The following RBMS3 variants were observed in gnomAD, a reference collection of about 807,000 sequenced individuals.
RBMS3 encodes RNA-binding motif, single-stranded-interacting protein 3.
A neutral mutation model predicts 66.8 loss-of-function variants in RBMS3; 27 were observed. That is an observed-to-expected ratio of 0.40 (90% CI 0.30 to 0.56). The LOEUF is 0.56. Among genes scored for constraint, RBMS3 ranks in the 20% least tolerant of loss-of-function variants. RBMS3 has a pLI of 0.40. For missense variants in RBMS3, 513 were observed against 549.5 expected (o/e 0.93, Z 0.66); for synonymous variants, 188 against 183.0 (o/e 1.03, Z -0.22).
At chr3:29,542,423 C>A (rs2045799317) in intron 3 of RBMS3, among the ~76,000 whole-genome samples, 1 of 152,116 alleles carries the variant, frequency 6.6e-6, no homozygotes, top group Admixed American at 6.5e-5. Context: ...TACAATGGTG[C>A]AATCTCGGCT....
At chr3:29,843,932 A>G (rs570741140) in intron 6 of RBMS3, among the ~76,000 whole-genome samples, 2 of 151,896 alleles carry the variant, frequency 1.3e-5, no homozygotes, top group South Asian at 4.1e-4. Flanking sequence ...AGCCTGGGAG[A>G]CAGAATGAGA....
intron 1 of RBMS3, among the ~76,000 whole-genome samples, chr3:29,411,190 T>C (rs1438929911): frequency 6.6e-6 from 1 of 152,144 alleles, no homozygotes; most frequent in Non-Finnish European, 1.5e-5. Context: ...TTTGTTAATC[T>C]GGCCTAGCAG....
intron 2 of RBMS3, among the ~76,000 whole-genome samples, chr3:29,477,341 A>G (rs2042981154): frequency 6.6e-6 from 1 of 152,180 alleles, no homozygotes; most frequent in South Asian, 2.1e-4. Flanking sequence ...CTTGACTCCC[A>G]TAGCCATCCT....
intron 12 of RBMS3, among the ~76,000 whole-genome samples, chr3:29,980,294 G>A (rs912067317): frequency 1.6e-4 from 25 of 151,830 alleles, no homozygotes; most frequent in African/African-American, 5.8e-4. Flanking sequence ...TCTTTCTCTT[G>A]TAAATGTGTG....
chr3:30,006,128 A>AG lies in RBMS3; in HGVS notation c.*2266_*2267insG, dbSNP rs1162836043. The AG allele has an allele frequency of 1.3e-5, 2 of 151,866 alleles. No homozygotes were observed. Among genetic ancestry groups the AG allele is most frequent in the African/African-American group, 4.8e-5 (2 of 41,414 alleles). The allele number at this position is 151,866 out of a possible 1,614,324, so 9.4% of individuals were successfully genotyped here. ...TCAAATAGGTGAAACTCTTTTCAAA[A>AG]ACTAAGTCAGTCACAGGAGCCTGTC... is the stretch of plus-strand genomic sequence containing the variant. On this transcript the variant is annotated 3_prime_UTR_variant, in exon 15 of 15. Transcript: ENST00000383767.
At chr3:29,755,151 ATTAT>A (rs1165359330) in intron 5 of RBMS3, among the ~76,000 whole-genome samples, 1 of 152,180 alleles carries the variant, frequency 6.6e-6, no homozygotes, top group African/African-American at 2.4e-5. Context: ...TTTATCTCAG[ATTAT>A]TTATTTAAGT....
chr3:29,528,877 G>A (rs1268972637), intron 3 of RBMS3, among the ~76,000 whole-genome samples: 1 of 152,048 alleles, frequency 6.6e-6, no homozygotes, highest in African/African-American at 2.4e-5. Flanking sequence ...GGGACTATGG[G>A]TGTGTGTCAC....
intron 6 of RBMS3, among the ~76,000 whole-genome samples, chr3:29,831,681 G>C (rs771527400): frequency 1.3e-5 from 2 of 151,992 alleles, no homozygotes; most frequent in Non-Finnish European, 2.9e-5. Flanking sequence ...CCAAAGAAAA[G>C]CAGAAATGTT....
At chr3:29,532,237 C>CATAT (rs71688232) in intron 3 of RBMS3, among the ~76,000 whole-genome samples, 1,772 of 91,814 alleles carry the variant, frequency 0.019, 55 homozygotes, top group East Asian at 0.023. Flanking sequence ...TTTAATTTCG[C>CATAT]ATATATATGT....
At chr3:29,466,397 T>G (rs1442979289) in intron 2 of RBMS3, among the ~76,000 whole-genome samples, 1 of 152,180 alleles carries the variant, frequency 6.6e-6, no homozygotes, top group Non-Finnish European at 1.5e-5. Flanking sequence ...AAAAAATCAT[T>G]TTGAATTCAT....
At chr3:29,401,941 A>C (rs1473229042) in intron 1 of RBMS3, among the ~76,000 whole-genome samples, 1 of 152,074 alleles carries the variant, frequency 6.6e-6, no homozygotes, top group Non-Finnish European at 1.5e-5. Context: ...GCTTTGAACA[A>C]GTTGCCCAAG....
In RBMS3 at chr3:29,816,963, C is replaced by T. The variant is rs573915488; in HGVS notation, c.638-51895C>T. On this transcript the variant is annotated intron_variant, in intron 6 of 14. Transcript: ENST00000383767. ...AAAATTAGCCGGGCATGGTGGTGCA[C>T]ACCCGTAATCCCAGCTACATGGGAG... Among the ~76,000 whole-genome samples the T allele has an allele frequency of 3.6e-4, 55 of 152,086 alleles. 1 individual carries two copies. In the South Asian group the frequency reaches 0.011, roughly 31 times the overall value.
At chr3:29,855,455 A>G (rs1014078363) in intron 6 of RBMS3, among the ~76,000 whole-genome samples, 1 of 152,186 alleles carries the variant, frequency 6.6e-6, no homozygotes, top group Non-Finnish European at 1.5e-5. Context: ...TCAATACAAA[A>G]TATTTACTTC....
chr3:29,730,940 T>C, intron 4 of RBMS3: 1 of 984,876 alleles, frequency 1.0e-6, no homozygotes, highest in Non-Finnish European at 1.2e-6. Context: ...CTCAAGTTCA[T>C]GAGGTGTATA....
chr3:29,673,341 G>A (rs1223535936), intron 4 of RBMS3, among the ~76,000 whole-genome samples: 1 of 152,040 alleles, frequency 6.6e-6, no homozygotes, highest in African/African-American at 2.4e-5. Context: ...AAAAGAACTA[G>A]AGAAGCAAGA....
chr3:29,612,650 A>G (rs2048531058), intron 4 of RBMS3, among the ~76,000 whole-genome samples: 1 of 152,050 alleles, frequency 6.6e-6, no homozygotes, highest in African/African-American at 2.4e-5. Context: ...TGTTTTGAGA[A>G]CTGCTCCTTT....
At chr3:29,646,586 G>C (rs1360962839) in intron 4 of RBMS3, among the ~76,000 whole-genome samples, 2 of 151,512 alleles carry the variant, frequency 1.3e-5, no homozygotes, top group South Asian at 4.2e-4. Flanking sequence ...TTTAAATACT[G>C]GTTTAAGTTT....
At chr3:29,727,629 G>A (rs770364422) in intron 4 of RBMS3, among the ~76,000 whole-genome samples, 4 of 152,214 alleles carry the variant, frequency 2.6e-5, no homozygotes, top group Admixed American at 2.0e-4. Context: ...CTGGTCATTA[G>A]AGAAATGCAA....
intron 1 of RBMS3, among the ~76,000 whole-genome samples, chr3:29,347,613 C>T (rs903265940): frequency 1.3e-5 from 2 of 152,060 alleles, no homozygotes; most frequent in African/African-American, 4.8e-5. Context: ...ATGTGGATTC[C>T]ACGCAGTTTC....
Sources: gnomAD v4.1 joint callset for allele counts (sites outside exome capture counted in the v4.1 genomes callset) on GRCh38, gnomAD v4.1.1 for gene constraint, MANE v1.5 for transcripts, NCBI Gene and HGNC (gene_info 2026-07-23, HGNC 2026-07-21) for gene names.